The following GRM1 variants were observed in gnomAD, a reference collection of about 807,000 sequenced individuals.
The protein encoded by GRM1 is metabotropic glutamate receptor 1.
GRM1 carries 33 observed loss-of-function variants against 90.9 expected under a neutral mutation model. The observed-to-expected ratio is 0.36, with a 90% CI of 0.28 to 0.49. The LOEUF (loss-of-function observed/expected upper bound fraction) is 0.49. GRM1 is among the 20% of genes least tolerant of loss of function. GRM1 has a pLI of 0.99. For synonymous variants in GRM1, 700 were observed against 613.2 expected (o/e 1.14, Z -2.09); for missense variants, 1,190 against 1,534.3 (o/e 0.78, Z 3.75).
intron 2 of GRM1, among the ~76,000 whole-genome samples, chr6:146,294,198 A>T (rs902088669): frequency 6.6e-6 from 1 of 151,632 alleles, no homozygotes; most frequent in African/African-American, 2.4e-5. Flanking sequence ...TCTCTTTTTT[A>T]AAAAATATAA....
At chr6:146,322,286 G>A (rs923850129) in intron 3 of GRM1, among the ~76,000 whole-genome samples, 13 of 152,092 alleles carry the variant, frequency 8.5e-5, no homozygotes, top group African/African-American at 3.1e-4. Context: ...CATCCCAGAG[G>A]GTACCCACCA....
chr6:146,330,696 T>C (rs2114993072), intron 3 of GRM1, among the ~76,000 whole-genome samples: 1 of 152,348 alleles, frequency 6.6e-6, no homozygotes, highest in East Asian at 1.9e-4. Flanking sequence ...TGTTGCTTTG[T>C]TTTAAATTCT....
intron 2 of GRM1, among the ~76,000 whole-genome samples, chr6:146,218,949 G>A: frequency 6.6e-6 from 1 of 152,146 alleles, no homozygotes; most frequent in East Asian, 1.9e-4. Flanking sequence ...GAAAGATGTG[G>A]AGTCACCTAC....
At chr6:146,028,234 T>A (rs1790565073), upstream of GRM1, among the ~76,000 whole-genome samples, 1 of 23,858 alleles carries the variant, frequency 4.2e-5, no homozygotes, top group Non-Finnish European at 8.4e-5. Context: ...TGGAAGGGAG[T>A]GTGTGTGTGT....
rs1583142503 is a variant in GRM1, at chr6:146,192,565, A to C, written c.950+32968A>C. Among the ~76,000 whole-genome samples the C allele has an allele frequency of 2.0e-5, 3 of 152,196 alleles. No homozygotes were observed. In the South Asian group the frequency reaches 6.2e-4, roughly 31 times the overall value. ...TTAAAATAATGATTGTCGTTAGCTT[A>C]TCTCTCTCATCCTCCTGTTCCCTTC... On this transcript the variant is annotated intron_variant, in intron 2 of 7. Coordinates refer to ENST00000282753, the MANE Select transcript of GRM1 (RefSeq NM_001278064.2).
intron 1 of GRM1, among the ~76,000 whole-genome samples, chr6:146,104,513 A>T (rs927156145): frequency 2.0e-5 from 3 of 152,200 alleles, no homozygotes; most frequent in Admixed American, 2.0e-4. Context: ...ATAACGAAAG[A>T]TACCTAAAGA....
intron 3 of GRM1, among the ~76,000 whole-genome samples, chr6:146,350,809 A>T (rs995104081): frequency 6.6e-6 from 1 of 152,070 alleles, no homozygotes; most frequent in South Asian, 2.1e-4. Context: ...TTCCTCTTGG[A>T]AAATTTCCTT....
intron 3 of GRM1, among the ~76,000 whole-genome samples, chr6:146,317,946 A>G (rs1784033977): frequency 6.6e-6 from 1 of 152,242 alleles, no homozygotes; most frequent in Non-Finnish European, 1.5e-5. Flanking sequence ...GCTTAGTACT[A>G]TAGCCATTTA....
chr6:146,373,803 T>C (rs1775992591), intron 5 of GRM1, among the ~76,000 whole-genome samples: 2 of 152,154 alleles, frequency 1.3e-5, no homozygotes. Context: ...TCATATCATC[T>C]ACAAACAAGG....
chr6:146,254,038 A>T (rs1473011499), intron 2 of GRM1, among the ~76,000 whole-genome samples: 1 of 152,020 alleles, frequency 6.6e-6, no homozygotes, highest in Non-Finnish European at 1.5e-5. Context: ...GTGTATGTAT[A>T]AGTTTGAGGG....
intron 1 of GRM1, among the ~76,000 whole-genome samples, chr6:146,098,980 T>G (rs1412642966): frequency 6.6e-6 from 1 of 152,158 alleles, no homozygotes; most frequent in Non-Finnish European, 1.5e-5. Flanking sequence ...AGTGTGAAAA[T>G]GGACTAATAC....
chr6:146,214,383 A>G (rs9322052), intron 2 of GRM1, among the ~76,000 whole-genome samples: 16,924 of 152,252 alleles, frequency 0.11, 1,857 homozygotes, highest in African/African-American at 0.28. Context: ...ACTCCATGAA[A>G]GAAAACAAAG....
chr6:146,150,982 C>T (rs934991764), intron 1 of GRM1, among the ~76,000 whole-genome samples: 2 of 151,426 alleles, frequency 1.3e-5, no homozygotes, highest in South Asian at 4.1e-4. Context: ...TTTTCTCTAT[C>T]CATTCATCCC....
chr6:146,384,355 G>A (rs1175466659), intron 5 of GRM1, among the ~76,000 whole-genome samples: 1 of 152,072 alleles, frequency 6.6e-6, no homozygotes, highest in Middle Eastern at 3.2e-3. Context: ...CCAGAGTAGA[G>A]ATATCTTGTT....
At chr6:146,330,694 TG>T (rs2114993067) in intron 3 of GRM1, among the ~76,000 whole-genome samples, 1 of 152,330 alleles carries the variant, frequency 6.6e-6, no homozygotes, top group East Asian at 1.9e-4. Flanking sequence ...AATGTTGCTT[TG>T]TTTTAAATTC....
intron 3 of GRM1, among the ~76,000 whole-genome samples, chr6:146,350,215 T>G (rs1013370217): frequency 6.6e-6 from 1 of 152,224 alleles, no homozygotes; most frequent in African/African-American, 2.4e-5. Flanking sequence ...CCAACATAAT[T>G]TTTTATCTAT....
chr6:146,194,709 C>T lies in GRM1; in HGVS notation c.950+35112C>T, dbSNP rs114064989. Among the ~76,000 whole-genome samples, 287 of 152,224 alleles carry T rather than the reference C, an allele frequency of 1.9e-3. 2 individuals are homozygous for T. The highest frequency in any genetic ancestry group is 6.7e-3 in the African/African-American group (277 of 41,514). The stretch of plus-strand genomic sequence containing the variant: ...CCAAATGTTTTCCTCTCCAAGAAGC[C>T]GCACATACCTACACTGAACTCACAT... On this transcript the variant is annotated intron_variant, in intron 2 of 7. Coordinates refer to ENST00000282753, the MANE Select transcript of GRM1 (RefSeq NM_001278064.2).
intron 1 of GRM1, among the ~76,000 whole-genome samples, chr6:146,056,766 A>G (rs997181979): frequency 6.6e-6 from 1 of 152,128 alleles, no homozygotes; most frequent in Non-Finnish European, 1.5e-5. Flanking sequence ...GATTTCTCCA[A>G]ATATTTGAAA....
At chr6:146,433,730 G>GA in intron 7 of GRM1, 142 bp from the exon 8 acceptor site, 1 of 679,560 alleles carries the variant, frequency 1.5e-6, no homozygotes, top group South Asian at 1.7e-5. Flanking sequence ...TTTGTAAGAG[G>GA]AGGTATGGGG....
Sources: gnomAD v4.1 joint callset for allele counts (sites outside exome capture counted in the v4.1 genomes callset) on GRCh38, gnomAD v4.1.1 for gene constraint, MANE v1.5 for transcripts, NCBI Gene and HGNC (gene_info 2026-07-23, HGNC 2026-07-21) for gene names.